Variants in CTBP1 observed in about 807,000 individuals in gnomAD.
CTBP1 encodes C-terminal binding protein 1.
Under a neutral mutation model 42.1 loss-of-function variants are expected in CTBP1, and 11 were observed. That is an observed-to-expected ratio of 0.26 (90% CI 0.16 to 0.43). The LOEUF is 0.43. CTBP1 is among the 20% of genes least tolerant of loss of function. The pLI is 1.00. For missense variants in CTBP1, 399 were observed against 624.3 expected (o/e 0.64, Z 3.85); for synonymous variants, 324 against 277.1 (o/e 1.17, Z -1.68).
chr4:1,232,605 C>A (rs1340854941), intron 3 of CTBP1, among the ~76,000 whole-genome samples: 5 of 152,220 alleles, frequency 3.3e-5, no homozygotes, highest in Middle Eastern at 3.2e-3. Flanking sequence ...AGCTGCTGCA[C>A]CCCACCTTGC....
chr4:1,243,299 G>C, intron 1 of CTBP1: 1 of 985,424 alleles, frequency 1.0e-6, no homozygotes, highest in Non-Finnish European at 1.2e-6. Flanking sequence ...TGGCCCTCCT[G>C]AAAGGACCCT....
At chr4:1,244,188 T>C (rs1732479842) in intron 1 of CTBP1, 13 of 984,980 alleles carry the variant, frequency 1.3e-5, no homozygotes, top group Non-Finnish European at 1.6e-5. Context: ...GCTTGCCGGA[T>C]CCTCCCTCCT....
At chr4:1,228,033 T>C (rs1211352943) in intron 4 of CTBP1, among the ~76,000 whole-genome samples, 166 bp downstream of exon 4, 1 of 152,158 alleles carries the variant, frequency 6.6e-6, no homozygotes, top group Non-Finnish European at 1.5e-5. Flanking sequence ...AGGAACTGAA[T>C]GGCTGCAACC....
In CTBP1 at chr4:1,224,552, CCCA is replaced by C. The variant is rs201629597; in HGVS notation, c.514+805_514+807del. ...GTGACATCCGTGCAGGCCCGTGAGG[CCCA>C]CGTGTGTGCTGTGACATCCGTGTGT... On this transcript the variant is annotated intron_variant, in intron 5 of 9. Coordinates refer to ENST00000382952, the MANE Select transcript of CTBP1 (RefSeq NM_001012614.2). Among the ~76,000 whole-genome samples, 1,242 of 147,768 alleles carry C rather than the reference CCCA, an allele frequency of 8.4e-3. 16 individuals are homozygous for C. Among genetic ancestry groups the C allele is most frequent in the African/African-American group, 0.027 (1,054 of 39,552 alleles).
At chr4:1,248,749 G>C in intron 1 of CTBP1, 167 bp downstream of exon 1, 1 of 978,158 alleles carries the variant, frequency 1.0e-6, no homozygotes, top group Middle Eastern at 5.3e-4. Flanking sequence ...CCGCGGTCCC[G>C]CCCCCGACCG....
intron 4 of CTBP1, among the ~76,000 whole-genome samples, chr4:1,226,634 C>G (rs1214021917): frequency 6.6e-6 from 1 of 150,850 alleles, no homozygotes; most frequent in Admixed American, 6.6e-5. Context: ...GGCTGAAGAA[C>G]AGAGCCCAGG....
chr4:1,212,402 G>A lies in CTBP1; in HGVS notation c.1128C>T (p.Gly376=), dbSNP rs1213343267. 8 of 1,470,180 alleles carry A rather than the reference G, an allele frequency of 5.4e-6. No individual in the cohort carries two copies. The highest frequency in any genetic ancestry group is 5.5e-5 in the Admixed American group (2 of 36,074). The allele number at this position is 1,470,180 out of a possible 1,614,324, so 91.1% of individuals were successfully genotyped here. A position where few individuals can be genotyped will look rare whatever the true frequency, so the allele number is the denominator to read the frequency against. Residue 376 remains glycine, a synonymous_variant, in exon 10 of 10, where the codon GGC becomes GGT. Coordinates refer to ENST00000382952, the MANE Select transcript of CTBP1 (RefSeq NM_001012614.2). ...CAGCTGGGATGCCAGTGGGGGCCAC[G>A]CCCACCACGCCCGGAGGGTACCTGC... ...AAYRYPPGVV[G]VAPTGIPAAV... is the part of the protein sequence containing the mutation.
intron 1 of CTBP1, chr4:1,243,745 C>G (rs905128176): frequency 1.0e-6 from 1 of 985,316 alleles, no homozygotes. Context: ...AGCTCTGTAC[C>G]TTGCCCACAC....
rs1728705004 is a variant in CTBP1 at position 1,212,990 on chromosome 4, G to A, written c.1029C>T (p.Asp343=). ...PDSLKNCVNK[D]HLTAATHWAS... ...CCCAGTGGGTGGCGGCTGTCAGATG[G>A]TCCTTGTTGACACAGTTCTTCAGGC... The change falls in exon 9 of 10, where the codon GAC becomes GAT. Residue 343 remains aspartate, a synonymous_variant. Coordinates refer to ENST00000382952, the MANE Select transcript of CTBP1 (RefSeq NM_001012614.2). 3 of 1,613,974 alleles carry A rather than the reference G, an allele frequency of 1.9e-6. No individual in the cohort carries two copies. In the East Asian group the frequency reaches 6.7e-5, roughly 36 times the overall value.
At chr4:1,234,964 C>T (rs1170460722) in intron 3 of CTBP1, 1 of 152,262 alleles carries the variant, frequency 6.6e-6, no homozygotes, top group African/African-American at 2.4e-5. Context: ...TCACGCTAAT[C>T]CTATCACCTG....
rs13149599 is a variant in CTBP1 at position 1,247,774 on chromosome 4, G to C, written c.-189+1142C>G. Among the ~76,000 whole-genome samples the C allele has an allele frequency of 4.3e-5, 6 of 140,958 alleles. No individual in the cohort carries two copies. The East Asian group carries it at 6.3e-4, about 15-fold the overall frequency. 92.5% of individuals were successfully genotyped at this position (140,958 alleles called of 152,430 possible). A position where few individuals can be genotyped will look rare whatever the true frequency, so the allele number is the denominator to read the frequency against. On this transcript the variant is annotated intron_variant, in intron 1 of 9. Coordinates refer to ENST00000382952, the MANE Select transcript of CTBP1 (RefSeq NM_001012614.2). The stretch of plus-strand genomic sequence containing the variant: ...ACGGTGGAGAGGCCGGGGAGGGGGG[G>C]GGGGCTCGGGCTCAACGGAACACCC...
upstream of CTBP1, chr4:1,249,678 C>T (rs969111847): frequency 2.4e-6 from 1 of 423,976 alleles, no homozygotes; most frequent in Non-Finnish European, 4.7e-6. Flanking sequence ...CATGGGACCC[C>T]GAGAGGAGAA....
chr4:1,248,288 G>A (rs2108813965), intron 1 of CTBP1, among the ~76,000 whole-genome samples: 1 of 151,966 alleles, frequency 6.6e-6, no homozygotes, highest in South Asian at 2.1e-4. Flanking sequence ...GGAGACCCCG[G>A]GCCCTCCCGC....
Position 1,238,049 on chromosome 4 carries a change from GGAC to G in CTBP1, c.162+131_162+133del. On this transcript the variant is annotated intron_variant, in intron 3 of 9. Coordinates refer to ENST00000382952, the MANE Select transcript of CTBP1 (RefSeq NM_001012614.2). The surrounding 1 kb of genome is among the most constrained non-coding windows in gnomAD (Gnocchi z 5.9). The stretch of plus-strand genomic sequence containing the variant: ...CCCGTGTCCACCTCCTGACGGCGCG[GGAC>G]GACTGGGACAGAGGCTGCTCCTGCC... 1 of 1,211,614 alleles carries G rather than the reference GGAC, an allele frequency of 8.3e-7. No homozygotes were observed. The highest frequency in any genetic ancestry group is 1.2e-6 in the Non-Finnish European group (1 of 825,318). 75.1% of individuals were successfully genotyped at this position (1,211,614 alleles called of 1,614,324 possible).
chr4:1,230,117 TGCACCAGAC>T (rs1730803854), intron 3 of CTBP1, among the ~76,000 whole-genome samples: 1 of 152,128 alleles, frequency 6.6e-6, no homozygotes, highest in African/African-American at 2.4e-5. Flanking sequence ...AGACCCCTGG[TGCACCAGAC>T]GCAGTGTGGA....
intron 1 of CTBP1, chr4:1,245,474 G>A (rs776494395): frequency 1.2e-4 from 114 of 985,248 alleles, no homozygotes; most frequent in Admixed American, 3.1e-4. Flanking sequence ...AGACAGCCTC[G>A]GATGCCTCTG....
rs116482612 is a variant in CTBP1 at position 1,243,776 on chromosome 4, G to A, written c.-188-2257C>T. The A allele has an allele frequency of 7.8e-4, 764 of 985,420 alleles. 8 individuals carry two copies. In the South Asian group the frequency reaches 0.01, roughly 14 times the overall value. The allele number at this position is 985,420 out of a possible 1,614,324, so 61.0% of individuals were successfully genotyped here. A position where few individuals can be genotyped will look rare whatever the true frequency, so the allele number is the denominator to read the frequency against. ...CACACACTCCGAGGTGAAGGCACAC[G>A]GCTCCCAGAGGGGCCTGTGCTGTCC... On this transcript the variant is annotated intron_variant, in intron 1 of 9. Coordinates refer to ENST00000382952, the MANE Select transcript of CTBP1 (RefSeq NM_001012614.2).
At chr4:1,222,728 G>A (rs1177980956) in intron 5 of CTBP1, among the ~76,000 whole-genome samples, 2 of 152,164 alleles carry the variant, frequency 1.3e-5, no homozygotes, top group Non-Finnish European at 2.9e-5. Flanking sequence ...CCCTGGGAGG[G>A]GCTGGTTGGG....
rs1732511700 is a variant in CTBP1 at position 1,244,421 on chromosome 4, G to A, written c.-188-2902C>T. 7.1e-6 allele frequency: 7 copies of A among 983,778 alleles called. No homozygotes were observed. The South Asian group carries it at 3.3e-4, about 46-fold the overall frequency. 60.9% of individuals were successfully genotyped at this position (983,778 alleles called of 1,614,324 possible). On this transcript the variant is annotated intron_variant, in intron 1 of 9. Transcript: ENST00000382952. ...GCGCCAGGACCAAGCAGCTACCCCTGTTCCTTCCCCAGCCTCAGCACCTGG... is the reference window on the plus strand; with the variant it reads ...GCGCCAGGACCAAGCAGCTACCCCTATTCCTTCCCCAGCCTCAGCACCTGG...
Sources: gnomAD v4.1 joint callset for allele counts (sites outside exome capture counted in the v4.1 genomes callset) on GRCh38, gnomAD v4.1.1 for gene constraint, Gnocchi (gnomAD v3.1) non-coding constraint, MANE v1.5 for transcripts, NCBI Gene and HGNC (gene_info 2026-07-23, HGNC 2026-07-21) for gene names.